EBF1: variants seen among roughly 807,000 people sequenced by gnomAD.
EBF1 encodes EBF transcription factor 1, also known as transcription factor COE1.
Under a neutral mutation model 68.4 loss-of-function variants are expected in EBF1, and 10 were observed. The observed-to-expected ratio is 0.15, with a 90% CI of 0.09 to 0.25. The LOEUF is 0.25. EBF1 is among the 10% of genes least tolerant of loss of function. EBF1 has a pLI of 1.00. For missense variants in EBF1, 509 were observed against 794.4 expected (o/e 0.64, Z 4.32); for synonymous variants, 298 against 299.8 (o/e 0.99, Z 0.06).
chr5:158,781,931 C>T (rs1320816137), intron 9 of EBF1, among the ~76,000 whole-genome samples: 1 of 152,186 alleles, frequency 6.6e-6, no homozygotes, highest in Non-Finnish European at 1.5e-5. Context: ...TTGCCTATTA[C>T]ATAGTTCAAA....
At chr5:158,867,968 T>C (rs1449579573) in intron 6 of EBF1, among the ~76,000 whole-genome samples, 1 of 152,156 alleles carries the variant, frequency 6.6e-6, no homozygotes, top group African/African-American at 2.4e-5. Context: ...CATGTGACTA[T>C]ACAAATCCTA....
chr5:158,764,235 C>G (rs1292534683), intron 10 of EBF1, among the ~76,000 whole-genome samples: 2 of 152,046 alleles, frequency 1.3e-5, no homozygotes, highest in Admixed American at 6.6e-5. Flanking sequence ...CTAGGTGAGC[C>G]TAAGGAAAAT....
chr5:158,732,725 T>C (rs1032291037), intron 10 of EBF1, among the ~76,000 whole-genome samples: 5 of 152,208 alleles, frequency 3.3e-5, no homozygotes, highest in Non-Finnish European at 7.4e-5. Flanking sequence ...TCTTCACTTG[T>C]ATATTTTAAG....
At chr5:158,786,530 G>A (rs568838535) in intron 9 of EBF1, among the ~76,000 whole-genome samples, 54 of 152,260 alleles carry the variant, frequency 3.5e-4, no homozygotes, top group Middle Eastern at 6.8e-3. Flanking sequence ...GGAAAAGCAA[G>A]GGTGAGTTCC....
At chr5:158,868,976 A>G (rs1011688957) in intron 6 of EBF1, among the ~76,000 whole-genome samples, 3 of 152,190 alleles carry the variant, frequency 2.0e-5, no homozygotes. Flanking sequence ...CCGGACCAAG[A>G]AAGAAAAGAA....
chr5:158,960,533 T>A (rs751466729), intron 6 of EBF1, among the ~76,000 whole-genome samples: 1 of 152,216 alleles, frequency 6.6e-6, no homozygotes, highest in African/African-American at 2.4e-5. Flanking sequence ...TAAAAAAAAA[T>A]TTAAATTGAA....
At position 158,859,734 on chromosome 5, in the gene EBF1, T is replaced by C. The variant is rs569130689; in HGVS notation, c.555-19624A>G. On this transcript the variant is annotated intron_variant, in intron 6 of 15. Transcript: ENST00000313708. ...ACTGTTCCCTCTGTCTGGAAAGCTG[T>C]CTATTGCAAGGTAATCGAGCCCACT... Among the ~76,000 whole-genome samples, 4 of 152,316 alleles carry C rather than the reference T, an allele frequency of 2.6e-5. No homozygotes were observed. The South Asian group carries it at 8.3e-4, about 32-fold the overall frequency.
chr5:159,092,219 C>CTTGCTCTACAGA (rs1561997960), intron 4 of EBF1, among the ~76,000 whole-genome samples: 1 of 152,212 alleles, frequency 6.6e-6, no homozygotes, highest in Non-Finnish European at 1.5e-5. Flanking sequence ...TCCTACAGGG[C>CTTGCTCTACAGA]ATTCTGCATG....
chr5:158,865,810 G>A (rs1342575988), intron 6 of EBF1, among the ~76,000 whole-genome samples: 1 of 152,152 alleles, frequency 6.6e-6, no homozygotes, highest in Non-Finnish European at 1.5e-5. Flanking sequence ...TCCAATTACT[G>A]CAGGAATATA....
chr5:158,739,327 T>A (rs1765826416), intron 10 of EBF1, among the ~76,000 whole-genome samples: 1 of 152,210 alleles, frequency 6.6e-6, no homozygotes, highest in African/African-American at 2.4e-5. Flanking sequence ...AGAAACTGTA[T>A]TGCTCTCTAA....
In EBF1 at chr5:159,096,268, C is replaced by A. The variant is rs536406890; in HGVS notation, c.355+75G>T. The A allele has an allele frequency of 2.7e-6, 4 of 1,455,784 alleles. No homozygotes were observed. In the Admixed American group the frequency reaches 8.3e-5, roughly 30 times the overall value. The allele number at this position is 1,455,784 out of a possible 1,614,324, so 90.2% of individuals were successfully genotyped here. On this transcript the variant is annotated intron_variant, in intron 3 of 15. Transcript: ENST00000313708. The stretch of plus-strand genomic sequence containing the variant: ...CTGACCTTCGCTGGAGGATTTCGTC[C>A]ACCTGGAGCTCCCTGCGCCCCCTGC...
At chr5:158,713,967 C>A (rs924194926) in intron 12 of EBF1, 150 bp downstream of exon 12, 1 of 710,074 alleles carries the variant, frequency 1.4e-6, no homozygotes, top group Non-Finnish European at 2.3e-6. Context: ...AGGATTGAAT[C>A]ATCTTGCAAC....
At chr5:158,754,922 G>C (rs942955280) in intron 10 of EBF1, among the ~76,000 whole-genome samples, 3 of 152,060 alleles carry the variant, frequency 2.0e-5, no homozygotes, top group Admixed American at 6.6e-5. Flanking sequence ...GAGTGCTCAG[G>C]CTTTTCCATA....
chr5:158,975,307 T>C (rs897258259), intron 6 of EBF1, among the ~76,000 whole-genome samples: 1 of 152,178 alleles, frequency 6.6e-6, no homozygotes, highest in African/African-American at 2.4e-5. Context: ...CCCTGAGTCC[T>C]AATACTTAGT....
intron 9 of EBF1, among the ~76,000 whole-genome samples, chr5:158,781,482 T>A (rs1471906521): frequency 1.3e-5 from 2 of 152,154 alleles, no homozygotes; most frequent in Non-Finnish European, 2.9e-5. Context: ...AAGCATCAAA[T>A]TTTATTAGCA....
intron 6 of EBF1, among the ~76,000 whole-genome samples, chr5:158,974,144 G>A (rs989039785): frequency 8.5e-5 from 13 of 152,300 alleles, no homozygotes; most frequent in South Asian, 4.1e-4. Context: ...CAGTCAGTAC[G>A]TTTGAATAAA....
At chr5:159,097,866 G>A (rs1409038514) in intron 1 of EBF1, among the ~76,000 whole-genome samples, 1 of 152,228 alleles carries the variant, frequency 6.6e-6, no homozygotes, top group African/African-American at 2.4e-5. Context: ...GCGATGGGAG[G>A]CTGGAGCGCC....
chr5:159,050,492 C>G (rs543704690), intron 6 of EBF1, among the ~76,000 whole-genome samples: 146 of 152,286 alleles, frequency 9.6e-4, no homozygotes, highest in African/African-American at 3.3e-3. Context: ...TCACCAGAGA[C>G]AGCAGATGTC....
At chr5:158,825,179 T>A (rs1006151039) in intron 7 of EBF1, among the ~76,000 whole-genome samples, 2 of 152,224 alleles carry the variant, frequency 1.3e-5, no homozygotes, top group African/African-American at 2.4e-5. Context: ...GTTTACAGGT[T>A]AATTTAAAAG....
Sources: gnomAD v4.1 joint callset for allele counts (sites outside exome capture counted in the v4.1 genomes callset) on GRCh38, gnomAD v4.1.1 for gene constraint, MANE v1.5 for transcripts, NCBI Gene and HGNC (gene_info 2026-07-23, HGNC 2026-07-21) for gene names.